Variants in ZFYVE28 observed in about 807,000 individuals in gnomAD.
ZFYVE28 encodes the protein zinc finger FYVE-type containing 28, also known as lateral signaling target protein 2 homolog.
Under a neutral mutation model 82.1 loss-of-function variants are expected in ZFYVE28, and 40 were observed. The ratio of observed to expected loss-of-function variants is 0.49; its 90% CI spans 0.38 to 0.63. The LOEUF (loss-of-function observed/expected upper bound fraction) is 0.63, where lower values mean the gene tolerates loss of function less well. ZFYVE28 is among the 30% of genes least tolerant of loss of function. The pLI is 0.00. For synonymous variants in ZFYVE28, 612 were observed against 546.1 expected (o/e 1.12, Z -1.68); for missense variants, 1,321 against 1,242.1 (o/e 1.06, Z -0.96).
chr4:2,292,676 G>A (rs768731781), intron 8 of ZFYVE28, among the ~76,000 whole-genome samples: 33 of 152,232 alleles, frequency 2.2e-4, no homozygotes, highest in African/African-American at 6.7e-4. Context: ...AAAAATCTTC[G>A]CACAAAGAAA....
At chr4:2,383,167 C>T (rs920317049) in intron 1 of ZFYVE28, among the ~76,000 whole-genome samples, 5 of 152,064 alleles carry the variant, frequency 3.3e-5, no homozygotes, top group Admixed American at 1.3e-4. Flanking sequence ...GGGCCAGGGA[C>T]GGAATTATAA....
intron 8 of ZFYVE28, among the ~76,000 whole-genome samples, chr4:2,279,615 T>TA (rs1405478626): frequency 1.3e-5 from 2 of 151,654 alleles, no homozygotes; most frequent in Non-Finnish European, 1.5e-5. Context: ...CTGTCTCTAC[T>TA]AAAAATACAA....
intron 1 of ZFYVE28, chr4:2,364,858 C>A: frequency 3.0e-6 from 3 of 985,500 alleles, no homozygotes; most frequent in Non-Finnish European, 3.6e-6. Flanking sequence ...CCCACGTCGC[C>A]GCGGCAAAGT....
Position 2,339,496 on chromosome 4 carries a change from C to T in ZFYVE28, c.478G>A (p.Ala160Thr). Residue 160 changes from alanine to threonine, a missense_variant, in exon 4 of 13, where the codon GCG becomes ACG. Coordinates refer to ENST00000290974, the MANE Select transcript of ZFYVE28 (RefSeq NM_020972.3). This position sits in a 1 kb window ranked among gnomAD's most constrained non-coding sequence, Gnocchi z 5.0. ...LNTYTEKMREALRHFDVLFAE... is the reference protein window; with the variant it reads ...LNTYTEKMRETLRHFDVLFAE... ...AACAGGACGTCGAAGTGCCTCAGCG[C>T]TTCCCTCATCTTCTCTGTGTAGGTG... 2 of 1,614,028 alleles carry T rather than the reference C, an allele frequency of 1.2e-6. No homozygotes were observed. Among genetic ancestry groups the T allele is most frequent in the Admixed American group, 1.7e-5 (1 of 60,014 alleles).
intron 7 of ZFYVE28, among the ~76,000 whole-genome samples, chr4:2,310,553 C>A (rs184151404): frequency 7.5e-4 from 114 of 152,256 alleles, no homozygotes; most frequent in African/African-American, 2.6e-3. Flanking sequence ...CCTGTAATCA[C>A]AGCATTTTGG....
rs1378956376 is a variant in ZFYVE28, at chr4:2,320,541, T to G, written c.702-270A>C. Among the ~76,000 whole-genome samples, 1 of 152,202 alleles carries G rather than the reference T, an allele frequency of 6.6e-6. No individual in the cohort carries two copies. The highest frequency in any genetic ancestry group is 1.5e-5 in the Non-Finnish European group (1 of 68,030). ...AGGGGTCATAAAGTAATCAGAAAAG[T>G]GTATCTGCACACATCAGTGCTGCAA... is the stretch of plus-strand genomic sequence containing the variant. On this transcript the variant is annotated intron_variant, in intron 6 of 12. Transcript: ENST00000290974. This position sits in a 1 kb window ranked among gnomAD's most constrained non-coding sequence, Gnocchi z 5.1.
intron 2 of ZFYVE28, among the ~76,000 whole-genome samples, chr4:2,345,569 G>A (rs745403165): frequency 6.6e-5 from 10 of 151,886 alleles, no homozygotes; most frequent in South Asian, 6.2e-4. Context: ...CAACTTCAAA[G>A]ATCAAATATG....
intron 1 of ZFYVE28, chr4:2,406,741 G>A (rs1172789081): frequency 6.6e-6 from 1 of 152,272 alleles, no homozygotes; most frequent in Non-Finnish European, 1.5e-5. Flanking sequence ...TCCCTGTGAT[G>A]CCTGACTTAC....
intron 7 of ZFYVE28, among the ~76,000 whole-genome samples, chr4:2,308,704 A>AAAG (rs1217492004): frequency 9.1e-4 from 113 of 124,682 alleles, no homozygotes; most frequent in African/African-American, 3.7e-3. Context: ...AAAGAAAAGA[A>AAAG]AAAAGAAAAG....
chr4:2,418,244 C>T lies in ZFYVE28; in HGVS notation c.39+41G>A. The T allele has an allele frequency of 6.5e-7, 1 of 1,527,750 alleles. No homozygotes were observed. 94.6% of individuals were successfully genotyped at this position (1,527,750 alleles called of 1,614,324 possible). On this transcript the variant is annotated intron_variant, in intron 1 of 12. Transcript: ENST00000290974. This position sits in a 1 kb window ranked among gnomAD's most constrained non-coding sequence, Gnocchi z 4.6. The stretch of plus-strand genomic sequence containing the variant: ...CGGGCGGTCCTGGGGAAGGGAGAGG[C>T]CGCGACGCGGGGGGCGTCCGGCCCG...
At position 2,406,561 on chromosome 4, in the gene ZFYVE28, A is replaced by C. The variant is rs1697478890; in HGVS notation, c.39+11724T>G. 3 of 152,088 alleles carry C rather than the reference A, an allele frequency of 2.0e-5. No individual in the cohort carries two copies. In the South Asian group the frequency reaches 6.2e-4, roughly 32 times the overall value. The allele number at this position is 152,088 out of a possible 1,614,324, so 9.4% of individuals were successfully genotyped here. ...TGCTTACCTGATACAGGGAGAAAGA[A>C]CCTCACCTCCTTGCTTTTGGTAAAC... On this transcript the variant is annotated intron_variant, in intron 1 of 12. Transcript: ENST00000290974.
intron 6 of ZFYVE28, among the ~76,000 whole-genome samples, chr4:2,329,909 C>A (rs961125350): frequency 3.3e-5 from 5 of 152,114 alleles, no homozygotes; most frequent in Non-Finnish European, 7.3e-5. Context: ...TATATTTGTG[C>A]CCCCTCAGAT....
intron 8 of ZFYVE28, among the ~76,000 whole-genome samples, chr4:2,302,984 C>T (rs779407249): frequency 1.3e-5 from 2 of 152,214 alleles, no homozygotes; most frequent in African/African-American, 2.4e-5. Flanking sequence ...TAAGCCGAGC[C>T]ATCGTAAGTC....
chr4:2,345,248 T>A (rs1560248408), intron 2 of ZFYVE28, among the ~76,000 whole-genome samples: 1 of 151,800 alleles, frequency 6.6e-6, no homozygotes. Flanking sequence ...GAAGAAAATA[T>A]GACCCATGAC....
intron 8 of ZFYVE28, among the ~76,000 whole-genome samples, chr4:2,276,741 G>A (rs868300188): frequency 1.3e-5 from 2 of 152,182 alleles, no homozygotes; most frequent in Non-Finnish European, 2.9e-5. Flanking sequence ...TCTCCGACAC[G>A]AGGTCCTGAG....
intron 8 of ZFYVE28, among the ~76,000 whole-genome samples, chr4:2,298,532 A>G (rs1171189300): frequency 6.6e-6 from 1 of 152,180 alleles, no homozygotes; most frequent in Non-Finnish European, 1.5e-5. Context: ...GAAGGCGCAC[A>G]CAGGCGGGGC....
intron 1 of ZFYVE28, among the ~76,000 whole-genome samples, chr4:2,367,393 C>T (rs1033613866): frequency 2.0e-5 from 3 of 152,244 alleles, no homozygotes; most frequent in Non-Finnish European, 4.4e-5. Flanking sequence ...GGGGCTGAGC[C>T]TCAGGCTCTG....
chr4:2,327,824 G>C (rs552859578), intron 6 of ZFYVE28, among the ~76,000 whole-genome samples: 1 of 152,128 alleles, frequency 6.6e-6, no homozygotes, highest in Non-Finnish European at 1.5e-5. Flanking sequence ...AACATCACTA[G>C]TCATTAGAGA....
At chr4:2,329,690 A>G (rs1378739326) in intron 6 of ZFYVE28, among the ~76,000 whole-genome samples, 2 of 152,236 alleles carry the variant, frequency 1.3e-5, no homozygotes, top group African/African-American at 4.8e-5. Flanking sequence ...CAATGTTAAG[A>G]AACTCTGTAA....
Sources: allele counts gnomAD v4.1 joint callset (sites outside exome capture counted in the v4.1 genomes callset), GRCh38; gene constraint gnomAD v4.1.1; non-coding constraint Gnocchi (gnomAD v3.1); transcripts MANE v1.5; gene names NCBI Gene and HGNC (gene_info 2026-07-23, HGNC 2026-07-21).